The following INSRR variants were observed in gnomAD, a reference collection of about 807,000 sequenced individuals.
INSRR encodes insulin receptor-related protein.
INSRR carries 114 observed loss-of-function variants against 130.0 expected under a neutral mutation model. The ratio of observed to expected loss-of-function variants is 0.88; its 90% CI spans 0.75 to 1.02. The LOEUF (loss-of-function observed/expected upper bound fraction) is 1.02. Ranked by LOEUF, INSRR falls within the 50% of genes least tolerant of loss-of-function variation. The pLI, the probability that INSRR is intolerant of heterozygous loss-of-function variation, is 0.00. For synonymous variants in INSRR, 674 were observed against 705.2 expected, an observed-to-expected ratio of 0.96 and a Z score of 0.70; for missense variants, 1,657 against 1,735.2, an observed-to-expected ratio of 0.95 and a Z score of 0.80.
Position 156,858,583 on chromosome 1 carries a change from C to T in INSRR, c.39G>A (p.Leu13=), listed in dbSNP as rs2644597. ...VPSLWPWGAC[L]PVIFLSLGFG... ...ATCCCAAGGAGAGGAAGATCACAGG[C>T]AGGCATGCTCCCCAGGGCCACAGAC... Residue 13 remains leucine (L), a synonymous_variant, in exon 1 of 22, where the codon CTG becomes CTA. Coordinates refer to ENST00000368195, the MANE Select transcript of INSRR (RefSeq NM_014215.3). The T allele has an allele frequency of 9.9e-6, 16 of 1,614,072 alleles. No homozygotes were observed. In the East Asian group the frequency reaches 3.6e-4, roughly 36 times the overall value.
At position 156,852,158 on chromosome 1, in the gene INSRR, G is replaced by A. The variant is rs566924575; in HGVS notation, c.671C>T (p.Ala224Val). Residue 224 changes from alanine (A) to valine (V), a missense_variant, in exon 3 of 22, where the codon GCG (alanine) becomes GTG (valine). By Grantham distance (64) the Ala-to-Val change is moderately conservative. Transcript: ENST00000368195. The part of the protein sequence containing the change: ...CPCPHGMACT[A>V]RGECCHTECL... Reference sequence around the variant, plus strand: ...TTCGGTGTGGCAGCACTCGCCCCTCGCTGTGCAAGCCATCCCATGGGGGCA... The same window carrying A: ...TTCGGTGTGGCAGCACTCGCCCCTCACTGTGCAAGCCATCCCATGGGGGCA... The A allele has an allele frequency of 7.5e-6, 12 of 1,608,106 alleles. No individual in the cohort carries two copies. The highest frequency in any genetic ancestry group is 1.1e-5 in the South Asian group (1 of 90,200).
rs1235381273 is a variant in INSRR, at chr1:156,841,602, C to G, written c.3527+63G>C. 4 of 1,609,568 alleles carry G rather than the reference C, an allele frequency of 2.5e-6. No individual in the cohort carries two copies. In the African/African-American group the frequency reaches 5.3e-5, roughly 22 times the overall value. ...GTGCATTCCAAGGGATGGGGGTGTTCCAGGCCCCTCCCCAGATCCCGCCTC... is the reference window on the plus strand; with the variant it reads ...GTGCATTCCAAGGGATGGGGGTGTTGCAGGCCCCTCCCCAGATCCCGCCTC... On this transcript the variant is annotated intron_variant, in intron 20 of 21. Coordinates refer to ENST00000368195, the MANE Select transcript of INSRR (RefSeq NM_014215.3).
At chr1:156,855,496 C>T (rs1359055365) in intron 1 of INSRR, among the ~76,000 whole-genome samples, 1 of 152,054 alleles carries the variant, frequency 6.6e-6, no homozygotes, top group Non-Finnish European at 1.5e-5. Flanking sequence ...TGAACCACCA[C>T]GCCCGGCCTG....
rs150115105 is a variant in INSRR at position 156,845,076 on chromosome 1, T to A, written c.2437A>T (p.Arg813Ter). ...TFVFARTMPH[R>*]EADGIPGKVA... Reference sequence around the variant, plus strand: ...GAAGGTGTGTGTGTGGATCACCTACTGTGGGGCATGGTGCGCGCAAAGACG... The same window carrying A: ...GAAGGTGTGTGTGTGGATCACCTACAGTGGGGCATGGTGCGCGCAAAGACG... The change falls in exon 12 of 22, where the codon AGA becomes TGA. Residue 813 changes from arginine to a stop codon, truncating the protein, a stop_gained and splice_region_variant. Transcript: ENST00000368195. LOFTEE classifies it high-confidence loss of function. 1.2e-6 allele frequency: 2 copies of A among 1,604,914 alleles called. No homozygotes were observed. The highest frequency in any genetic ancestry group is 1.7e-6 in the Non-Finnish European group (2 of 1,176,476).
At position 156,840,942 on chromosome 1, in the gene INSRR, G is replaced by A. The variant is rs535798216; in HGVS notation, c.3825C>T (p.Thr1275=). The A allele has an allele frequency of 3.1e-4, 508 of 1,614,078 alleles. 6 individuals carry two copies. In the South Asian group the frequency reaches 4.6e-3, roughly 15 times the overall value. ...CRGARGSLPT[T]DAEPDSSPTP... ...TGGGTGAGGAGTCAGGCTCTGCATC[G>A]GTGGTAGGCAGGGAGCCCCGGGCCC... Residue 1275 remains threonine (T), a synonymous_variant, in exon 22 of 22, where the codon ACC becomes ACT. Coordinates refer to ENST00000368195, the MANE Select transcript of INSRR (RefSeq NM_014215.3).
Position 156,841,859 on chromosome 1 carries a change from CT to C in INSRR, c.3398-66del, listed in dbSNP as rs1403790005. The C allele has an allele frequency of 2.5e-6, 4 of 1,612,290 alleles. No individual in the cohort carries two copies. The African/African-American group carries it at 5.3e-5, about 22-fold the overall frequency. On this transcript the variant is annotated intron_variant, in intron 19 of 21. Coordinates refer to ENST00000368195, the MANE Select transcript of INSRR (RefSeq NM_014215.3). ...AAGAGCCACGCACTAGCTCCTGCCC[CT>C]GGGATACCTCTCCCAATCTTCTCAT...
At position 156,848,922 on chromosome 1, in the gene INSRR, A is replaced by T; in HGVS notation, c.1570T>A (p.Ser524Thr). 1.3e-6 allele frequency: 2 copies of T among 1,567,858 alleles called. No homozygotes were observed. The highest frequency in any genetic ancestry group is 1.7e-6 in the Non-Finnish European group (2 of 1,156,546). Residue 524 changes from serine (S) to threonine (T), a missense_variant and splice_region_variant, in exon 7 of 22, where the codon TCC (serine) becomes ACC (threonine). Coordinates refer to ENST00000368195, the MANE Select transcript of INSRR (RefSeq NM_014215.3). The stretch of plus-strand genomic sequence containing the variant: ...TCCGGCCCCGCCCCCGGCACTCACG[A>T]CTCCTTGTAGTACACGATGAAGCTG... ...LLSFIVYYKE[S>T]PFQNATEHVG...
In INSRR at chr1:156,842,108, G is replaced by A. The variant is rs770161044; in HGVS notation, c.3397+4C>T. 26 of 1,613,908 alleles carry A rather than the reference G, an allele frequency of 1.6e-5. No homozygotes were observed. Among genetic ancestry groups the A allele is most frequent in the Non-Finnish European group, 2.2e-5 (26 of 1,179,938 alleles). On this transcript the variant is annotated splice_donor_region_variant and intron_variant, in intron 19 of 21. Coordinates refer to ENST00000368195, the MANE Select transcript of INSRR (RefSeq NM_014215.3). ...CGCCCTCATCTGCCTGGCACCCTCT[G>A]TACCCCCGATCTTGACGGTGAAGTC...
intron 7 of INSRR, 149 bp downstream of exon 7, chr1:156,848,772 C>T (rs1655095882): frequency 1.1e-6 from 1 of 895,588 alleles, no homozygotes; most frequent in African/African-American, 1.7e-5. Flanking sequence ...GAGAGCCAGA[C>T]CTGGGCCCTA....
At position 156,854,332 on chromosome 1, in the gene INSRR, A is replaced by G; in HGVS notation, c.86-29T>C. The G allele has an allele frequency of 6.4e-7, 1 of 1,568,310 alleles. No homozygotes were observed. Among genetic ancestry groups the G allele is most frequent in the South Asian group, 1.2e-5 (1 of 83,804 alleles). Reference sequence around the variant, plus strand: ...TGGGCATACACGGCACGCAGCATTGAGTACAGCCCAGGCCAAATTCCCCAT... The same window carrying G: ...TGGGCATACACGGCACGCAGCATTGGGTACAGCCCAGGCCAAATTCCCCAT... On this transcript the variant is annotated intron_variant, in intron 1 of 21. Transcript: ENST00000368195. The surrounding 1 kb of genome is among the most constrained non-coding windows in gnomAD (Gnocchi z 4.2).
At chr1:156,852,914 G>C (rs1447093040) in intron 2 of INSRR, among the ~76,000 whole-genome samples, 1 of 152,132 alleles carries the variant, frequency 6.6e-6, no homozygotes, top group Non-Finnish European at 1.5e-5. Context: ...TGCTGCTGAG[G>C]CGCTGGGGGT....
intron 2 of INSRR, among the ~76,000 whole-genome samples, chr1:156,853,084 A>G (rs775925298): frequency 2.0e-5 from 3 of 150,884 alleles, no homozygotes; most frequent in East Asian, 3.9e-4. Flanking sequence ...TCCTTTCTCT[A>G]CTGCTTTTTT....
rs747114380 is a variant in INSRR, at chr1:156,846,573, T to C, written c.1756A>G (p.Ser586Gly). 6.2e-7 allele frequency: 1 copy of C among 1,614,214 alleles called. No homozygotes were observed. The highest frequency in any genetic ancestry group is 8.5e-7 in the Non-Finnish European group (1 of 1,180,038). The change falls in exon 8 of 22, where the codon AGC becomes GGC. Residue 586 changes from serine to glycine, a missense_variant. Physicochemically the swap from Ser to Gly is moderately conservative, Grantham distance 56 (BLOSUM62 0). Coordinates refer to ENST00000368195, the MANE Select transcript of INSRR (RefSeq NM_014215.3). ...GGACTCTGGGCTCCTTGATGAGGGC[T>C]GTCCTCCTCAGTGGTTAGCGTGATG... The part of the protein sequence containing the change: ...RAITLTTEED[S>G]PHQGAQSPIV...
chr1:156,846,832 C>T (rs1321088514), intron 7 of INSRR, 75 bp from the exon 8 acceptor site: 7 of 1,193,810 alleles, frequency 5.9e-6, no homozygotes, highest in Non-Finnish European at 8.7e-6. Context: ...TCTGAATCAC[C>T]CCAGGACTGT....
At chr1:156,848,814 C>G in intron 7 of INSRR, 107 bp downstream of exon 7, 1 of 1,382,460 alleles carries the variant, frequency 7.2e-7, no homozygotes, top group Non-Finnish European at 9.7e-7. Context: ...TCCTGGCTTC[C>G]TGGGTCTTCA....
At chr1:156,850,394 T>C (rs1378872746) in intron 5 of INSRR, among the ~76,000 whole-genome samples, 1 of 151,874 alleles carries the variant, frequency 6.6e-6, no homozygotes, top group Non-Finnish European at 1.5e-5. Flanking sequence ...GTATTTTTAG[T>C]AGAGATGGGT....
intron 1 of INSRR, among the ~76,000 whole-genome samples, chr1:156,856,436 T>C (rs1223253575): frequency 6.6e-6 from 1 of 152,198 alleles, no homozygotes; most frequent in Non-Finnish European, 1.5e-5. Flanking sequence ...ATTCCATTGC[T>C]AAAGATTCAA....
chr1:156,853,242 T>C (rs1291127449), intron 2 of INSRR, among the ~76,000 whole-genome samples: 2 of 152,192 alleles, frequency 1.3e-5, no homozygotes, highest in East Asian at 1.9e-4. Flanking sequence ...ATCACTGTGC[T>C]GTGGCCACTC....
rs549089046 is a variant in INSRR at position 156,851,452 on chromosome 1, G to A, written c.1085-18C>T. The A allele has an allele frequency of 1.9e-6, 3 of 1,614,070 alleles. No individual in the cohort carries two copies. Among genetic ancestry groups the A allele is most frequent in the South Asian group, 1.1e-5 (1 of 91,078 alleles). ...CAGGTTGTCTAGGGATGGGAAGACA[G>A]GGCTGGAGTAGGAGCAAGGAAGGTG... is the stretch of plus-strand genomic sequence containing the variant. On this transcript the variant is annotated intron_variant, in intron 4 of 21. Coordinates refer to ENST00000368195, the MANE Select transcript of INSRR (RefSeq NM_014215.3).
Sources: allele counts gnomAD v4.1 joint callset (sites outside exome capture counted in the v4.1 genomes callset), GRCh38; gene constraint gnomAD v4.1.1; non-coding constraint Gnocchi (gnomAD v3.1); transcripts MANE v1.5; gene names NCBI Gene and HGNC (gene_info 2026-07-23, HGNC 2026-07-21).